Variants in EDARADD observed in about 807,000 individuals in gnomAD.
The protein encoded by EDARADD is EDAR associated via death domain.
In EDARADD, 20 loss-of-function variants were observed where a neutral mutation model predicts 25.6. The ratio of observed to expected loss-of-function variants is 0.78; its 90% CI spans 0.55 to 1.14. The LOEUF (loss-of-function observed/expected upper bound fraction) is 1.14. Ranked by LOEUF, EDARADD falls within the 50% of genes most tolerant of loss-of-function variation. The pLI, the probability that EDARADD is intolerant of heterozygous loss-of-function variation, is 0.00. For missense variants in EDARADD, 225 were observed against 270.1 expected (o/e 0.83, Z 1.17); for synonymous variants, 86 against 94.4 (o/e 0.91, Z 0.52).
At chr1:236,383,774 T>G (rs925403986) in intron 3 of EDARADD, among the ~76,000 whole-genome samples, 22 of 151,636 alleles carry the variant, frequency 1.5e-4, no homozygotes, top group Non-Finnish European at 3.1e-4. Flanking sequence ...GAGGCTGAGG[T>G]GGGAGGGTCA....
intron 3 of EDARADD, among the ~76,000 whole-genome samples, chr1:236,421,988 T>G (rs1288555783): frequency 6.6e-6 from 1 of 152,134 alleles, no homozygotes; most frequent in Non-Finnish European, 1.5e-5. Context: ...GGTGAGATGG[T>G]CATCAAAAAC....
intron 3 of EDARADD, among the ~76,000 whole-genome samples, chr1:236,352,306 A>T (rs1666923719): frequency 6.6e-6 from 1 of 152,214 alleles, no homozygotes; most frequent in South Asian, 2.1e-4. Context: ...TAAACAACTT[A>T]GGTTTGGCTT....
chr1:236,400,156 A>G (rs555814613), intron 1 of EDARADD, among the ~76,000 whole-genome samples: 61 of 152,220 alleles, frequency 4.0e-4, no homozygotes, highest in African/African-American at 1.4e-3. Flanking sequence ...GGTTTTCCCA[A>G]TGCTCACTTC....
chr1:236,376,374 G>T (rs1249864285), intron 3 of EDARADD, among the ~76,000 whole-genome samples: 3 of 151,904 alleles, frequency 2.0e-5, no homozygotes, highest in Non-Finnish European at 4.4e-5. Flanking sequence ...CTTAATTTTT[G>T]TTTATCCGAG....
chr1:236,371,058 C>T (rs971510244), intron 3 of EDARADD, among the ~76,000 whole-genome samples: 1 of 152,166 alleles, frequency 6.6e-6, no homozygotes, highest in African/African-American at 2.4e-5. Context: ...GTTTGTCAGC[C>T]TCTTTCTTCA....
At chr1:236,424,042 G>A (rs143350476) in intron 3 of EDARADD, among the ~76,000 whole-genome samples, 1 of 151,872 alleles carries the variant, frequency 6.6e-6, no homozygotes, top group Admixed American at 6.6e-5. Context: ...GGAAATGGAG[G>A]TTGCAGTGAG....
chr1:236,380,939 C>T lies in EDARADD; in HGVS notation c.-5-28277C>T, dbSNP rs556244553. Among the ~76,000 whole-genome samples, 13 of 152,256 alleles carry T rather than the reference C, an allele frequency of 8.5e-5. No individual in the cohort carries two copies. In the East Asian group the frequency reaches 2.1e-3, roughly 25 times the overall value. ...GGTATAATTGCCATAGAATCAACTG[C>T]ACATATGTCAAGTGCACAACTTGAT... On this transcript the variant is annotated intron_variant, in intron 3 of 7. Transcript: ENST00000439430.
At chr1:236,397,740 T>C (rs1251048215) in intron 1 of EDARADD, among the ~76,000 whole-genome samples, 1 of 152,200 alleles carries the variant, frequency 6.6e-6, no homozygotes, top group Non-Finnish European at 1.5e-5. Flanking sequence ...CAGAGGATGC[T>C]GAAGAACATA....
Position 236,427,062 on chromosome 1 carries a change from G to A in EDARADD, c.161-330G>A, listed in dbSNP as rs1010320895. 1.2e-4 allele frequency among the ~76,000 whole-genome samples: 19 copies of A among 152,120 alleles called. 1 individual carries two copies. The highest frequency in any genetic ancestry group is 4.6e-4 in the African/African-American group (19 of 41,410). ...ACTCTTGGCTAATTTTGTATTTTTA[G>A]TAGAGACGGGGGTTTCTCCATGTTG... On this transcript the variant is annotated intron_variant, in intron 3 of 5. Coordinates refer to ENST00000334232, the MANE Select transcript of EDARADD (RefSeq NM_145861.4).
intron 4 of EDARADD, among the ~76,000 whole-genome samples, chr1:236,467,627 A>C (rs2103035422): frequency 6.6e-6 from 1 of 152,306 alleles, no homozygotes; most frequent in Non-Finnish European, 1.5e-5. Context: ...TACTGAAATA[A>C]ATAGAAAAGG....
chr1:236,480,555 C>T (rs181803236), intron 5 of EDARADD, among the ~76,000 whole-genome samples: 1 of 152,142 alleles, frequency 6.6e-6, no homozygotes, highest in East Asian at 1.9e-4. Flanking sequence ...TCCGTCGGTC[C>T]AAATTCTTTA....
chr1:236,411,830 C>T (rs1334956602), intron 2 of EDARADD, among the ~76,000 whole-genome samples: 1 of 152,146 alleles, frequency 6.6e-6, no homozygotes. Context: ...GGATTACAGG[C>T]GTGAGCCACC....
rs750580319 is a variant in EDARADD, at chr1:236,483,065, C to T, written c.*416C>T. On this transcript the variant is annotated 3_prime_UTR_variant, in exon 6 of 6. Coordinates refer to ENST00000334232, the MANE Select transcript of EDARADD (RefSeq NM_145861.4). The stretch of plus-strand genomic sequence containing the variant: ...TCTCTCCTGATCAGTGCCATTCCCA[C>T]GGTTTCAAAGAAAACAGCTACAAGG... The T allele has an allele frequency of 4.9e-5, 39 of 795,420 alleles. No homozygotes were observed. The highest frequency in any genetic ancestry group is 2.1e-4 in the East Asian group (8 of 38,326). 49.3% of individuals were successfully genotyped at this position (795,420 alleles called of 1,614,324 possible).
chr1:236,470,877 G>A lies in EDARADD; in HGVS notation c.265+2601G>A, dbSNP rs528913258. On this transcript the variant is annotated intron_variant, in intron 5 of 5. Transcript: ENST00000334232. The stretch of plus-strand genomic sequence containing the variant: ...CCCACCTCAGCCTCCCAAAGTGCTG[G>A]GACTACAGATGCACACCACCACACC... 3.3e-5 allele frequency among the ~76,000 whole-genome samples: 5 copies of A among 152,230 alleles called. No individual in the cohort carries two copies. The South Asian group carries it at 1.0e-3, about 32-fold the overall frequency.
In EDARADD at chr1:236,483,508, C is replaced by T. The variant is rs983665237; in HGVS notation, c.*859C>T. 7 of 1,008,440 alleles carry T rather than the reference C, an allele frequency of 6.9e-6. No individual in the cohort carries two copies. In the African/African-American group the frequency reaches 1.1e-4, roughly 16 times the overall value. The allele number at this position is 1,008,440 out of a possible 1,614,324, so 62.5% of individuals were successfully genotyped here. ...GGTGCAAATGCCATTCTGGGAGTGT[C>T]CCTCGCTGCCTGCAAAGCTAGTGCT... On this transcript the variant is annotated 3_prime_UTR_variant, in exon 6 of 6. Coordinates refer to ENST00000334232, the MANE Select transcript of EDARADD (RefSeq NM_145861.4).
chr1:236,466,947 G>A (rs1659210093), intron 4 of EDARADD, among the ~76,000 whole-genome samples: 2 of 152,038 alleles, frequency 1.3e-5, no homozygotes, highest in South Asian at 2.1e-4. Context: ...GGTGGCTGTA[G>A]TCCCAGCTAC....
chr1:236,407,080 A>C (rs1191542292), intron 1 of EDARADD, among the ~76,000 whole-genome samples: 2 of 152,156 alleles, frequency 1.3e-5, no homozygotes, highest in African/African-American at 2.4e-5. Flanking sequence ...GCCACACAGG[A>C]ATCTGAGGGG....
chr1:236,385,802 T>TCATGTTTTACAATTAGATCTTTA lies in EDARADD; in HGVS notation c.-5-23414_-5-23413insCATGTTTTACAATTAGATCTTTA, dbSNP rs1667345858. Among the ~76,000 whole-genome samples, 2 of 34,676 alleles carry TCATGTTTTACAATTAGATCTTTA rather than the reference T, an allele frequency of 5.8e-5. 1 individual carries two copies. The highest frequency in any genetic ancestry group is 1.4e-4 in the Non-Finnish European group (2 of 14,586). The allele number at this position is 34,676 out of a possible 152,430, so 22.7% of individuals were successfully genotyped here. ...TATTCTCTCTTAATAATTTGAAAGT[T>TCATGTTTTACAATTAGATCTTTA]AGCTCTCTCCCTCTCCCTCTCCCTC... On this transcript the variant is annotated intron_variant, in intron 3 of 7. Transcript: ENST00000439430.
chr1:236,394,444 C>T lies in EDARADD; in HGVS notation c.-1C>T. On this transcript the variant is annotated 5_prime_UTR_variant, in exon 1 of 6. Coordinates refer to ENST00000334232, the MANE Select transcript of EDARADD (RefSeq NM_145861.4). Reference sequence around the variant, plus strand: ...ATTAAGAAGCCAAACTCAACATCGCCATGGGCCTCAGGACGACTAAACAGA... The same window carrying T: ...ATTAAGAAGCCAAACTCAACATCGCTATGGGCCTCAGGACGACTAAACAGA... The T allele has an allele frequency of 6.2e-7, 1 of 1,614,128 alleles. No homozygotes were observed. The highest frequency in any genetic ancestry group is 2.2e-5 in the East Asian group (1 of 44,882).
Sources: allele counts gnomAD v4.1 joint callset (sites outside exome capture counted in the v4.1 genomes callset), GRCh38; gene constraint gnomAD v4.1.1; transcripts MANE v1.5; gene names NCBI Gene and HGNC (gene_info 2026-07-23, HGNC 2026-07-21).